Variants in UNC93A observed in about 807,000 individuals in gnomAD.
UNC93A encodes the protein unc-93 homolog A.
UNC93A carries 43 observed loss-of-function variants against 47.5 expected under a neutral mutation model. That is an observed-to-expected ratio of 0.91 (90% confidence interval 0.71 to 1.17). The LOEUF is 1.17. UNC93A is among the 50% of genes most tolerant of loss of function. The pLI, the probability that UNC93A is intolerant of heterozygous loss-of-function variation, is 0.00. For synonymous variants in UNC93A, 280 were observed against 258.0 expected (o/e 1.09, Z -0.82); for missense variants, 605 against 577.6 (o/e 1.05, Z -0.49).
At chr6:167,298,819 T>A (rs1434862017) in intron 4 of UNC93A, among the ~76,000 whole-genome samples, 1 of 152,050 alleles carries the variant, frequency 6.6e-6, no homozygotes, top group Non-Finnish European at 1.5e-5. Flanking sequence ...ATAATTTAAA[T>A]ATTTTTTTTT....
chr6:167,282,405 T>C (rs919049816), intron 1 of UNC93A, among the ~76,000 whole-genome samples: 2 of 151,976 alleles, frequency 1.3e-5, no homozygotes, highest in Admixed American at 1.3e-4. Context: ...GGGAGGGGGA[T>C]TTTTTGTGCT....
intron 4 of UNC93A, among the ~76,000 whole-genome samples, chr6:167,302,288 T>A (rs3010549): frequency 6.6e-6 from 1 of 151,900 alleles, no homozygotes; most frequent in African/African-American, 2.4e-5. Flanking sequence ...AGGACACTGA[T>A]GCTGAGAGAG....
intron 7 of UNC93A, among the ~76,000 whole-genome samples, chr6:167,314,854 G>C (rs948940551): frequency 6.6e-6 from 1 of 152,058 alleles, no homozygotes; most frequent in Non-Finnish European, 1.5e-5. Context: ...TTCATCTTAC[G>C]TATGTTGATT....
At position 167,297,980 on chromosome 6, in the gene UNC93A, G is replaced by A. The variant is rs746065146; in HGVS notation, c.535G>A (p.Ala179Thr). ...AGAAGAGCAGCTCACGTCCTGTGGG[G>A]CCAGTGACTGCCTGATGGCCACCAC... ...LPEEQLTSCG[A>T]SDCLMATTTT... is the part of the protein sequence containing the mutation. Residue 179 changes from alanine to threonine, a missense_variant, in exon 4 of 8, where the codon GCC (alanine) becomes ACC (threonine). Transcript: ENST00000230256. 8 of 1,613,886 alleles carry A rather than the reference G, an allele frequency of 5.0e-6. No homozygotes were observed. The highest frequency in any genetic ancestry group is 4.0e-5 in the African/African-American group (3 of 74,868).
At chr6:167,275,648 A>G (rs1783527071) in intron 1 of UNC93A, among the ~76,000 whole-genome samples, 1 of 152,246 alleles carries the variant, frequency 6.6e-6, no homozygotes, top group African/African-American at 2.4e-5. Context: ...CATGAGGCAC[A>G]TGTCCCAGCA....
chr6:167,289,122 A>C (rs144060800), upstream of UNC93A, among the ~76,000 whole-genome samples: 1,279 of 152,388 alleles, frequency 8.4e-3, no homozygotes, highest in Non-Finnish European at 0.013. Flanking sequence ...TAACGCCAAA[A>C]CCAGCTCTGA....
intron 1 of UNC93A, among the ~76,000 whole-genome samples, chr6:167,279,220 A>T (rs989848105): frequency 1.3e-5 from 2 of 152,202 alleles, no homozygotes; most frequent in Non-Finnish European, 1.5e-5. Flanking sequence ...ACTCTTTGAG[A>T]ATTGCAGGTA....
chr6:167,309,797 A>T (rs1778508317), intron 7 of UNC93A, among the ~76,000 whole-genome samples: 1 of 152,168 alleles, frequency 6.6e-6, no homozygotes, highest in Admixed American at 6.5e-5. Flanking sequence ...ACACTGTTGG[A>T]TTTAAGGAGC....
intron 7 of UNC93A, among the ~76,000 whole-genome samples, chr6:167,310,070 C>G (rs1736590): frequency 8.6e-5 from 13 of 151,594 alleles, no homozygotes; most frequent in Admixed American, 3.3e-4. Flanking sequence ...GGCATGTCAC[C>G]TCGCTGCAGG....
intron 7 of UNC93A, among the ~76,000 whole-genome samples, chr6:167,312,101 TTTG>T (rs1351610079): frequency 6.6e-6 from 1 of 152,122 alleles, no homozygotes; most frequent in Non-Finnish European, 1.5e-5. Context: ...CCTGGACCCT[TTTG>T]AAGAGCACCG....
intron 2 of UNC93A, among the ~76,000 whole-genome samples, chr6:167,295,727 T>TTGTGCTCCTCGCCTG (rs1778063090): frequency 2.1e-5 from 1 of 47,866 alleles, no homozygotes; most frequent in Non-Finnish European, 4.0e-5. Context: ...CTCCTCGCCT[T>TTGTGCTCCTCGCCTG]CCTCGTGCTC....
chr6:167,282,180 G>A (rs1783645083), intron 1 of UNC93A, among the ~76,000 whole-genome samples: 1 of 152,138 alleles, frequency 6.6e-6, no homozygotes, highest in Admixed American at 6.5e-5. Context: ...TAGAGCTGGG[G>A]GATGCCTCAG....
chr6:167,307,072 G>A (rs914078867), intron 6 of UNC93A, among the ~76,000 whole-genome samples: 3 of 152,124 alleles, frequency 2.0e-5, no homozygotes, highest in African/African-American at 7.3e-5. Flanking sequence ...GGCACACTTT[G>A]TCCTACCCCC....
chr6:167,314,257 A>T (rs569080668), intron 7 of UNC93A, among the ~76,000 whole-genome samples: 2 of 152,174 alleles, frequency 1.3e-5, no homozygotes, highest in Non-Finnish European at 2.9e-5. Flanking sequence ...ACCAGGTGCC[A>T]TGGAGTTTAC....
rs141095420 is a variant in UNC93A, at chr6:167,305,974, G to A, written c.900G>A (p.Ser300=). 47 of 1,614,164 alleles carry A rather than the reference G, an allele frequency of 2.9e-5. No homozygotes were observed. In the African/African-American group the frequency reaches 4.8e-4, roughly 16 times the overall value. Residue 300 remains serine (S), a synonymous_variant, in exon 6 of 8, where the codon TCG becomes TCA. Transcript: ENST00000230256. ...TCGGCTACGTGATGATCTGCTTCTC[G>A]GCCACTGACGCGCTGTGCTCCGTGT... is the stretch of plus-strand genomic sequence containing the variant. ...QFVGYVMICF[S]ATDALCSVLY...
intron 1 of UNC93A, among the ~76,000 whole-genome samples, chr6:167,293,324 C>A (rs1783884986): frequency 6.6e-6 from 1 of 152,146 alleles, no homozygotes; most frequent in Admixed American, 6.5e-5. Context: ...TGCAGGGGAG[C>A]CAGACCTCCC....
chr6:167,270,714 G>A (rs982914000), upstream of UNC93A, among the ~76,000 whole-genome samples: 8 of 152,292 alleles, frequency 5.3e-5, no homozygotes, highest in East Asian at 1.9e-4. Context: ...AGGGGAGCAC[G>A]GGGAGAAGGT....
intron 1 of UNC93A, among the ~76,000 whole-genome samples, chr6:167,277,503 A>G (rs1783562945): frequency 6.6e-6 from 1 of 152,146 alleles, no homozygotes; most frequent in South Asian, 2.1e-4. Flanking sequence ...CCCTCCTGCA[A>G]AAGCTCTGGT....
upstream of UNC93A, among the ~76,000 whole-genome samples, chr6:167,291,007 G>T (rs1783830514): frequency 6.6e-6 from 1 of 152,160 alleles, no homozygotes; most frequent in African/African-American, 2.4e-5. Flanking sequence ...GTTGAACTAT[G>T]TGTCTTGAAG....
Sources: gnomAD v4.1 joint callset for allele counts (sites outside exome capture counted in the v4.1 genomes callset) on GRCh38, gnomAD v4.1.1 for gene constraint, MANE v1.5 for transcripts, NCBI Gene and HGNC (gene_info 2026-07-23, HGNC 2026-07-21) for gene names.